The following WNK2 variants were observed in gnomAD, a reference collection of about 807,000 sequenced individuals.
The protein encoded by WNK2 is WNK lysine deficient protein kinase 2, also known as serine/threonine-protein kinase WNK2.
WNK2 carries 67 observed loss-of-function variants against 192.1 expected under a neutral mutation model. The observed-to-expected ratio is 0.35, with a 90% CI of 0.29 to 0.43. The LOEUF (loss-of-function observed/expected upper bound fraction) is 0.43, where lower values mean the gene tolerates loss of function less well. Ranked by LOEUF, WNK2 falls within the 20% of genes least tolerant of loss-of-function variation. WNK2 has a pLI of 1.00. For synonymous variants in WNK2, 1,439 were observed against 1,393.9 expected (o/e 1.03, Z -0.72); for missense variants, 2,698 against 3,089.7 (o/e 0.87, Z 3.01).
intron 26 of WNK2, among the ~76,000 whole-genome samples, chr9:93,306,339 G>A (rs181119319): frequency 6.2e-4 from 95 of 152,322 alleles, no homozygotes; most frequent in Admixed American, 6.0e-3. Context: ...GGGCTTCGGC[G>A]GCCAAGCCCA....
In WNK2 at chr9:93,299,208, C is replaced by T. The variant is rs974728521; in HGVS notation, c.6062C>T (p.Ser2021Phe). The change falls in exon 25 of 30, where the codon TCT becomes TTT. Residue 2021 changes from serine (S) to phenylalanine (F), a missense_variant. This residue lies in a region of WNK2 where 1,098 missense variants were observed against 1,101.0 expected (regional missense o/e 1.00). Coordinates refer to ENST00000427277, the MANE Select transcript of WNK2 (RefSeq NM_006648.4). ...CCCTGCTCCGTCCGGGCCTCCCTGT[C>T]TTCGGACATCTGCTCCGGCTTAGCC... is the stretch of plus-strand genomic sequence containing the variant. ...QQPCSVRASL[S>F]SDICSGLASD... is the part of the protein sequence containing the mutation. The T allele has an allele frequency of 1.9e-6, 3 of 1,595,668 alleles. No homozygotes were observed. Among genetic ancestry groups the T allele is most frequent in the Non-Finnish European group, 1.7e-6 (2 of 1,167,020 alleles).
intron 2 of WNK2, among the ~76,000 whole-genome samples, chr9:93,202,427 A>C (rs1398514267): frequency 6.6e-6 from 1 of 150,698 alleles, no homozygotes; most frequent in Non-Finnish European, 1.5e-5. Context: ...CTTCCGTGGG[A>C]ATGAGGAGCC....
rs967953157 is a variant in WNK2, at chr9:93,259,629, G to A, written c.3066+15G>A. 1.3e-6 allele frequency: 2 copies of A among 1,549,708 alleles called. No individual in the cohort carries two copies. The highest frequency in any genetic ancestry group is 1.9e-5 in the Admixed American group (1 of 53,498). ...CAGGGAGCCAGGTAATCACCTGCTG[G>A]GCAGGGGCTCACCCTCCCAGCGTCT... is the stretch of plus-strand genomic sequence containing the variant. On this transcript the variant is annotated intron_variant, in intron 12 of 29. Coordinates refer to ENST00000427277, the MANE Select transcript of WNK2 (RefSeq NM_006648.4). This position sits in a 1 kb window ranked among gnomAD's most constrained non-coding sequence, Gnocchi z 4.8.
At chr9:93,269,028 C>A (rs1185003875) in intron 19 of WNK2, 7 of 1,307,912 alleles carry the variant, frequency 5.4e-6, no homozygotes, top group Non-Finnish European at 7.5e-6. Context: ...GCTCCGCTGT[C>A]CTTCCTTCAC....
At chr9:93,315,875 A>G (rs569655348) in intron 28 of WNK2, 1 of 151,684 alleles carries the variant, frequency 6.6e-6, no homozygotes, top group African/African-American at 2.4e-5. Context: ...CACTTTCTTA[A>G]TGGTGAACAT....
chr9:93,201,976 A>G (rs1233407593), intron 2 of WNK2, among the ~76,000 whole-genome samples: 1 of 152,198 alleles, frequency 6.6e-6, no homozygotes, highest in Non-Finnish European at 1.5e-5. Flanking sequence ...GGCTAAGCAG[A>G]GGCAGCTGCC....
rs1055707432 is a variant in WNK2 at position 93,318,728 on chromosome 9, T to C, written c.6628+1097T>C. On this transcript the variant is annotated intron_variant, in intron 29 of 29. Transcript: ENST00000427277. ...TGCTCACCCCTGGCATGCAGACCGC[T>C]CTCCCGTCCAGCCCTAAGCCTGCTC... 81 of 1,438,100 alleles carry C rather than the reference T, an allele frequency of 5.6e-5. 1 individual carries two copies. In the Admixed American group the frequency reaches 2.1e-3, roughly 38 times the overall value. 89.1% of individuals were successfully genotyped at this position (1,438,100 alleles called of 1,614,324 possible). A position where few individuals can be genotyped will look rare whatever the true frequency, so the allele number is the denominator to read the frequency against.
Position 93,259,137 on chromosome 9 carries a change from C to T in WNK2, c.2589C>T (p.His863=), listed in dbSNP as rs771875411. ...CTCTGCAGGCTGTGAAGCTGCCCCA[C>T]CCCCCTGGGGCGCCCCTGGCCATGC... ...ALPLQAVKLP[H]PPGAPLAMPC... is the part of the protein sequence containing the mutation. Residue 863 remains histidine, a synonymous_variant, in exon 12 of 30, where the codon CAC becomes CAT. Transcript: ENST00000427277. This position sits in a 1 kb window ranked among gnomAD's most constrained non-coding sequence, Gnocchi z 4.8. 4 of 1,610,200 alleles carry T rather than the reference C, an allele frequency of 2.5e-6. No homozygotes were observed. Among genetic ancestry groups the T allele is most frequent in the Admixed American group, 1.7e-5 (1 of 59,878 alleles).
At chr9:93,225,015 A>G (rs1005331412) in intron 2 of WNK2, among the ~76,000 whole-genome samples, 1 of 152,092 alleles carries the variant, frequency 6.6e-6, no homozygotes, top group East Asian at 1.9e-4. Flanking sequence ...CAAACAGGTG[A>G]TGAGGATGTG....
intron 2 of WNK2, among the ~76,000 whole-genome samples, chr9:93,190,204 C>T (rs964223040): frequency 2.6e-5 from 4 of 152,206 alleles, no homozygotes; most frequent in Non-Finnish European, 5.9e-5. Context: ...CTTTCCCTCC[C>T]TCCCACCGGG....
At chr9:93,205,882 G>C (rs1417145970) in intron 2 of WNK2, among the ~76,000 whole-genome samples, 1 of 152,126 alleles carries the variant, frequency 6.6e-6, no homozygotes, top group East Asian at 1.9e-4. Context: ...GGGCCAGTGG[G>C]TCTCAGGCTC....
At chr9:93,225,599 G>A (rs982519163) in intron 2 of WNK2, among the ~76,000 whole-genome samples, 3 of 152,076 alleles carry the variant, frequency 2.0e-5, no homozygotes, top group Non-Finnish European at 4.4e-5. Context: ...TGCAGGGTAC[G>A]CCCCCCTACT....
Position 93,215,392 on chromosome 9 carries a change from A to G in WNK2, c.682-14304A>G, listed in dbSNP as rs140606437. On this transcript the variant is annotated intron_variant, in intron 2 of 29. Transcript: ENST00000427277. ...CCCATAGTGCTGGGATTACAGGCGC[A>G]TGAGCCACTGCACCTGGCCTTATTT... Among the ~76,000 whole-genome samples the G allele has an allele frequency of 6.9e-3, 1,048 of 152,220 alleles. 13 individuals carry two copies. Among genetic ancestry groups the G allele is most frequent in the African/African-American group, 0.023 (943 of 41,524 alleles).
intron 2 of WNK2, among the ~76,000 whole-genome samples, chr9:93,222,113 GGT>G (rs55799542): frequency 0.42 from 63,344 of 151,596 alleles, 14,566 homozygotes; most frequent in Admixed American, 0.52. Context: ...CAGGGTCCCA[GGT>G]GGCCTTTAAG....
In WNK2 at chr9:93,289,468, G is replaced by T; in HGVS notation, c.4714G>T (p.Ala1572Ser). 1 of 1,612,464 alleles carries T rather than the reference G, an allele frequency of 6.2e-7. No homozygotes were observed. The highest frequency in any genetic ancestry group is 8.5e-7 in the Non-Finnish European group (1 of 1,179,464). The change falls in exon 20 of 30, where the codon GCT becomes TCT. Residue 1572 changes from alanine to serine, a missense_variant. Ala to Ser is a moderately conservative substitution (Grantham distance 99). This residue lies in a region of WNK2 where 1,098 missense variants were observed against 1,101.0 expected (regional missense o/e 1.00). Transcript: ENST00000427277. ...QEHVPTSSASAGTPVEVGDRD... is the reference protein window; with the variant it reads ...QEHVPTSSASSGTPVEVGDRD... ...GCACGTGCCCACCTCCTCAGCCTCAGCTGGGACCCCTGTGGAGGTGGGCGA... is the reference window on the plus strand; with the variant it reads ...GCACGTGCCCACCTCCTCAGCCTCATCTGGGACCCCTGTGGAGGTGGGCGA...
At chr9:93,293,245 C>G in intron 23 of WNK2, 72 bp downstream of exon 23, 1 of 1,366,028 alleles carries the variant, frequency 7.3e-7, no homozygotes, top group Admixed American at 3.4e-5. Flanking sequence ...GTGAGGGAAC[C>G]CTGGTGCCGG....
rs548762857 is a variant in WNK2, at chr9:93,198,543, T to G, written c.681+12933T>G. On this transcript the variant is annotated intron_variant, in intron 2 of 29. Transcript: ENST00000427277. ...TGAGTTGGGGGAGTGTGCCCGGGCA[T>G]TGGGTTTCATGGGGATGGCCACTGT... 2.0e-5 allele frequency among the ~76,000 whole-genome samples: 3 copies of G among 151,902 alleles called. No individual in the cohort carries two copies. The South Asian group carries it at 6.2e-4, about 32-fold the overall frequency.
chr9:93,198,329 G>A (rs560165633), intron 2 of WNK2, among the ~76,000 whole-genome samples: 131 of 152,336 alleles, frequency 8.6e-4, no homozygotes, highest in Non-Finnish European at 1.5e-3. Context: ...GGAGCTGAGC[G>A]GCTGCAGTTT....
chr9:93,256,503 C>T (rs2132759967), intron 10 of WNK2, 49 bp downstream of exon 10: 2 of 1,459,362 alleles, frequency 1.4e-6, no homozygotes, highest in Non-Finnish European at 1.8e-6. Context: ...CAGGCAGTCA[C>T]CTGTGCTGGC....
Sources: gnomAD v4.1 joint callset for allele counts (sites outside exome capture counted in the v4.1 genomes callset) on GRCh38, gnomAD v4.1.1 for gene constraint, gnomAD v4.1.1 regional missense constraint, Gnocchi (gnomAD v3.1) non-coding constraint, MANE v1.5 for transcripts, NCBI Gene and HGNC (gene_info 2026-07-23, HGNC 2026-07-21) for gene names.